Variants in RARB observed in about 807,000 individuals in gnomAD.
RARB encodes the protein HBV-activated protein.
RARB carries 17 observed loss-of-function variants against 51.9 expected under a neutral mutation model. That is an observed-to-expected ratio of 0.33 (90% CI 0.22 to 0.49). The LOEUF is 0.49. RARB is among the 20% of genes least tolerant of loss of function. The probability of loss-of-function intolerance (pLI) is 0.99; values close to 1 mark genes in which losing one functional copy is unlikely to be tolerated. For missense variants in RARB, 369 were observed against 550.8 expected (o/e 0.67, Z 3.30); for synonymous variants, 215 against 195.4 (o/e 1.10, Z -0.84).
intron 3 of RARB, among the ~76,000 whole-genome samples, chr3:25,565,302 A>G (rs374061076): frequency 9.7e-4 from 148 of 152,214 alleles, no homozygotes; most frequent in African/African-American, 3.1e-3. Context: ...TATCTACTCT[A>G]TTAGGTTGTT....
intron 2 of RARB, among the ~76,000 whole-genome samples, chr3:24,887,362 C>T (rs1168144414): frequency 2.0e-5 from 3 of 152,208 alleles, no homozygotes; most frequent in Non-Finnish European, 2.9e-5. Flanking sequence ...CGATTTATTA[C>T]AGCATGTCTC....
intron 2 of RARB, among the ~76,000 whole-genome samples, chr3:24,979,563 TC>T (rs994889399): frequency 1.3e-5 from 2 of 152,122 alleles, no homozygotes; most frequent in Non-Finnish European, 2.9e-5. Flanking sequence ...TTGCAACTCC[TC>T]CTGTTTTTTT....
intron 2 of RARB, among the ~76,000 whole-genome samples, chr3:24,924,935 G>C (rs1695286574): frequency 6.6e-6 from 1 of 152,104 alleles, no homozygotes; most frequent in African/African-American, 2.4e-5. Context: ...AGAGGATGGT[G>C]AATACGTGGT....
At chr3:24,949,331 A>G (rs919324532) in intron 2 of RARB, among the ~76,000 whole-genome samples, 1 of 152,208 alleles carries the variant, frequency 6.6e-6, no homozygotes, top group Admixed American at 6.5e-5. Flanking sequence ...CTCCTCTGAG[A>G]CAGGAAAAAA....
At chr3:24,933,832 A>AT (rs1240081596) in intron 2 of RARB, among the ~76,000 whole-genome samples, 1 of 152,142 alleles carries the variant, frequency 6.6e-6, no homozygotes, top group Non-Finnish European at 1.5e-5. Context: ...GTAATGTAAA[A>AT]TAAGGAAGGA....
At chr3:25,413,207 C>T (rs1015677510) in intron 5 of RARB, among the ~76,000 whole-genome samples, 9 of 152,076 alleles carry the variant, frequency 5.9e-5, no homozygotes, top group African/African-American at 1.7e-4. Context: ...TTTTGAACTT[C>T]GTATGAATAG....
intron 5 of RARB, among the ~76,000 whole-genome samples, chr3:25,229,256 T>C (rs1394318327): frequency 1.3e-5 from 2 of 152,162 alleles, no homozygotes; most frequent in Non-Finnish European, 2.9e-5. Context: ...TATTTTCTAT[T>C]CTATTTTTTA....
At chr3:25,234,675 A>T (rs748722621) in intron 5 of RARB, among the ~76,000 whole-genome samples, 7 of 151,784 alleles carry the variant, frequency 4.6e-5, no homozygotes, top group Non-Finnish European at 7.4e-5. Context: ...CGTCCCAAAT[A>T]GTTCCCTTTT....
At chr3:25,308,822 C>T (rs1175716151) in intron 5 of RARB, among the ~76,000 whole-genome samples, 1 of 152,116 alleles carries the variant, frequency 6.6e-6, no homozygotes, top group Non-Finnish European at 1.5e-5. Context: ...GAATGTTGAG[C>T]TCTTTAGCAA....
intron 5 of RARB, among the ~76,000 whole-genome samples, chr3:25,197,003 C>T (rs1469129247): frequency 6.6e-6 from 1 of 152,030 alleles, no homozygotes; most frequent in Non-Finnish European, 1.5e-5. Flanking sequence ...AAAATTTTCT[C>T]CCATTCTGTA....
chr3:24,998,283 T>TG (rs1559427720), intron 2 of RARB, among the ~76,000 whole-genome samples: 1 of 151,700 alleles, frequency 6.6e-6, no homozygotes, highest in East Asian at 1.9e-4. Context: ...GTTTGTTTTT[T>TG]TTTTTTTCTT....
chr3:25,097,216 C>G (rs906062873), intron 3 of RARB, among the ~76,000 whole-genome samples: 1 of 152,088 alleles, frequency 6.6e-6, no homozygotes, highest in Non-Finnish European at 1.5e-5. Context: ...ACTTGATTTG[C>G]GGTGCACTGG....
At chr3:25,396,344 C>T (rs761019879) in intron 5 of RARB, among the ~76,000 whole-genome samples, 1 of 152,218 alleles carries the variant, frequency 6.6e-6, no homozygotes, top group Non-Finnish European at 1.5e-5. Context: ...GCTGGTTGTA[C>T]TAGCCGTGGA....
chr3:25,061,185 T>C (rs1356462680), intron 3 of RARB, among the ~76,000 whole-genome samples: 2 of 151,888 alleles, frequency 1.3e-5, no homozygotes, highest in African/African-American at 2.4e-5. Context: ...GAATACTTTT[T>C]AGAGGGAAAA....
chr3:24,915,620 CAGAA>C (rs1201305892), intron 2 of RARB, among the ~76,000 whole-genome samples: 3 of 152,118 alleles, frequency 2.0e-5, no homozygotes, highest in African/African-American at 4.8e-5. Flanking sequence ...TTAAGCCTCT[CAGAA>C]AGGGAAATAA....
chr3:25,499,463 A>C (rs568453150), intron 2 of RARB, among the ~76,000 whole-genome samples: 1 of 152,314 alleles, frequency 6.6e-6, no homozygotes, highest in Admixed American at 6.5e-5. Flanking sequence ...GTATTCGGCA[A>C]GCATCACTTG....
chr3:25,361,383 C>G (rs556582706), intron 5 of RARB, among the ~76,000 whole-genome samples: 1 of 152,168 alleles, frequency 6.6e-6, no homozygotes, highest in Non-Finnish European at 1.5e-5. Context: ...ATTCCTCTAA[C>G]CTTTTATCAA....
chr3:24,930,924 G>A (rs1164526141), intron 2 of RARB, among the ~76,000 whole-genome samples: 3 of 152,086 alleles, frequency 2.0e-5, no homozygotes, highest in Non-Finnish European at 4.4e-5. Context: ...GAAGTGGGAG[G>A]CTTTCCTCAG....
At chr3:24,893,572 A>C (rs1224000626) in intron 2 of RARB, among the ~76,000 whole-genome samples, 6 of 152,170 alleles carry the variant, frequency 3.9e-5, no homozygotes, top group Non-Finnish European at 8.8e-5. Flanking sequence ...TCTAGGCTGG[A>C]GTGCAGTAGA....
Sources: gnomAD v4.1 joint callset for allele counts (sites outside exome capture counted in the v4.1 genomes callset) on GRCh38, gnomAD v4.1.1 for gene constraint, MANE v1.5 for transcripts, NCBI Gene and HGNC (gene_info 2026-07-23, HGNC 2026-07-21) for gene names.